PTPRT: variants seen among roughly 807,000 people sequenced by gnomAD.
The protein encoded by PTPRT is protein tyrosine phosphatase receptor type T.
In PTPRT, 56 loss-of-function variants were observed where a neutral mutation model predicts 176.8. The ratio of observed to expected loss-of-function variants is 0.32; its 90% confidence interval spans 0.26 to 0.40. The LOEUF is 0.40. PTPRT is among the 10% of genes least tolerant of loss of function. The pLI is 1.00. For synonymous variants in PTPRT, 783 were observed against 739.0 expected, an observed-to-expected ratio of 1.06 and a Z score of -0.96; for missense variants, 1,540 against 1,908.2, an observed-to-expected ratio of 0.81 and a Z score of 3.60.
chr20:42,495,309 G>A (rs1246518990), intron 7 of PTPRT, among the ~76,000 whole-genome samples: 2 of 152,140 alleles, frequency 1.3e-5, no homozygotes, highest in Non-Finnish European at 2.9e-5. Context: ...CTTTAACTGG[G>A]CACCTAGCCC....
At chr20:42,252,380 G>T (rs1322254593) in intron 13 of PTPRT, among the ~76,000 whole-genome samples, 2 of 152,190 alleles carry the variant, frequency 1.3e-5, no homozygotes, top group African/African-American at 4.8e-5. Flanking sequence ...AAGCGTGGGG[G>T]CCTGTTGGTG....
intron 9 of PTPRT, among the ~76,000 whole-genome samples, chr20:42,353,125 C>G (rs1467839938): frequency 1.3e-5 from 2 of 152,188 alleles, no homozygotes; most frequent in Non-Finnish European, 2.9e-5. Flanking sequence ...CTAGCCACTG[C>G]TTTTCATAAG....
At chr20:42,698,656 C>G (rs552175949) in intron 6 of PTPRT, among the ~76,000 whole-genome samples, 4 of 152,250 alleles carry the variant, frequency 2.6e-5, no homozygotes, top group South Asian at 4.2e-4. Flanking sequence ...CAAAAATTCC[C>G]TAGTTGTCTC....
chr20:42,607,385 G>A (rs910689997), intron 7 of PTPRT: 1 of 152,180 alleles, frequency 6.6e-6, no homozygotes, highest in African/African-American at 2.4e-5. Context: ...ATGGGAGGTG[G>A]AGGAAGAGAT....
Position 42,125,030 on chromosome 20 carries a change from G to T in PTPRT, c.2847+3724C>A, listed in dbSNP as rs557232332. Among the ~76,000 whole-genome samples the T allele has an allele frequency of 2.6e-5, 4 of 152,240 alleles. No individual in the cohort carries two copies. In the South Asian group the frequency reaches 8.3e-4, roughly 32 times the overall value. ...CCTCCCTGCCAGGTCTCCATGCCTT[G>T]CTTGACCTTGTCACTCAATCAAGGG... On this transcript the variant is annotated intron_variant, in intron 19 of 30. Transcript: ENST00000373187.
intron 9 of PTPRT, among the ~76,000 whole-genome samples, chr20:42,433,059 G>C (rs2059229410): frequency 6.6e-6 from 1 of 152,118 alleles, no homozygotes; most frequent in African/African-American, 2.4e-5. Flanking sequence ...TCATGAGATG[G>C]GTGGGACTCT....
intron 11 of PTPRT, among the ~76,000 whole-genome samples, chr20:42,342,278 T>C (rs537111430): frequency 6.6e-6 from 1 of 152,308 alleles, no homozygotes; most frequent in South Asian, 2.1e-4. Context: ...ATTCTTTATT[T>C]CTGGTTACCT....
intron 1 of PTPRT, among the ~76,000 whole-genome samples, chr20:43,154,761 G>A (rs2014468775): frequency 1.3e-5 from 2 of 152,156 alleles, no homozygotes. Context: ...AGACTGAAGA[G>A]ACAACTCACA....
intron 6 of PTPRT, among the ~76,000 whole-genome samples, chr20:42,737,832 G>C (rs1218462476): frequency 6.6e-6 from 1 of 152,144 alleles, no homozygotes; most frequent in Non-Finnish European, 1.5e-5. Flanking sequence ...CAATTGTACA[G>C]ATTAAATTTG....
intron 12 of PTPRT, among the ~76,000 whole-genome samples, chr20:42,308,209 A>C (rs1171013723): frequency 6.6e-6 from 1 of 152,048 alleles, no homozygotes; most frequent in Admixed American, 6.5e-5. Context: ...CTGTCTATGG[A>C]GCAGCCATTA....
chr20:42,075,728 A>G lies in PTPRT; in HGVS notation c.*5151T>C. 1 of 206,728 alleles carries G rather than the reference A, an allele frequency of 4.8e-6. No homozygotes were observed. The highest frequency in any genetic ancestry group is 9.9e-6 in the Non-Finnish European group (1 of 101,304). 12.8% of individuals were successfully genotyped at this position (206,728 alleles called of 1,614,324 possible). ...TGGACTGATACCTCTATGTACTCTA[A>G]GGGGTTCCCACCAGCGACGAGGAAA... On this transcript the variant is annotated 3_prime_UTR_variant, in exon 31 of 31. Coordinates refer to ENST00000373187, the MANE Select transcript of PTPRT (RefSeq NM_007050.6).
chr20:42,958,731 T>C (rs940550609), intron 1 of PTPRT, among the ~76,000 whole-genome samples: 1 of 152,068 alleles, frequency 6.6e-6, no homozygotes, highest in Non-Finnish European at 1.5e-5. Flanking sequence ...CTGCTGTTAA[T>C]AATTATACTG....
chr20:43,177,536 G>T (rs2015150524), intron 1 of PTPRT, among the ~76,000 whole-genome samples: 1 of 152,216 alleles, frequency 6.6e-6, no homozygotes, highest in African/African-American at 2.4e-5. Context: ...GGAACAGGTG[G>T]TCAGCAGCTT....
At chr20:42,672,759 C>T (rs2075435247) in intron 7 of PTPRT, among the ~76,000 whole-genome samples, 1 of 152,148 alleles carries the variant, frequency 6.6e-6, no homozygotes, top group African/African-American at 2.4e-5. Flanking sequence ...GGATAGCCTT[C>T]CCTTAGTACC....
intron 9 of PTPRT, among the ~76,000 whole-genome samples, chr20:42,355,727 G>A (rs191662209): frequency 4.6e-5 from 7 of 152,292 alleles, no homozygotes; most frequent in East Asian, 1.9e-4. Flanking sequence ...TGGAGAGGAC[G>A]TGTGCTTGCA....
At chr20:42,376,822 T>G (rs1568825577) in intron 9 of PTPRT, among the ~76,000 whole-genome samples, 1 of 151,856 alleles carries the variant, frequency 6.6e-6, no homozygotes, top group Non-Finnish European at 1.5e-5. Context: ...GAGTCTATAG[T>G]GGGGGAGATG....
chr20:42,903,125 G>A (rs1169056374), intron 1 of PTPRT, among the ~76,000 whole-genome samples: 1 of 152,224 alleles, frequency 6.6e-6, no homozygotes, highest in Non-Finnish European at 1.5e-5. Context: ...CCTAAGGTGG[G>A]TATGGAAATG....
chr20:42,034,661 T>A, the PTPRT span, among the ~76,000 whole-genome samples: 1 of 152,162 alleles, frequency 6.6e-6, no homozygotes, highest in South Asian at 2.1e-4. Context: ...CACAATGACC[T>A]GCTGCTCTCA....
At chr20:42,623,158 C>T (rs6030367) in intron 7 of PTPRT, among the ~76,000 whole-genome samples, 1 of 152,166 alleles carries the variant, frequency 6.6e-6, no homozygotes, top group African/African-American at 2.4e-5. Context: ...TGTGCAGCCT[C>T]ATTCTTCCTA....
Sources: allele counts gnomAD v4.1 joint callset (sites outside exome capture counted in the v4.1 genomes callset), GRCh38; gene constraint gnomAD v4.1.1; transcripts MANE v1.5; gene names NCBI Gene and HGNC (gene_info 2026-07-23, HGNC 2026-07-21).